PLD5: variants seen among roughly 807,000 people sequenced by gnomAD.
PLD5 encodes phospholipase D family member 5, also known as inactive phospholipase D5.
PLD5 carries 36 observed loss-of-function variants against 61.1 expected under a neutral mutation model. The ratio of observed to expected loss-of-function variants is 0.59; its 90% CI spans 0.45 to 0.78. The LOEUF (loss-of-function observed/expected upper bound fraction) is 0.78, where lower values mean the gene tolerates loss of function less well. Ranked by LOEUF, PLD5 falls within the 30% of genes least tolerant of loss-of-function variation. The pLI is 0.00. For synonymous variants in PLD5, 243 were observed against 242.8 expected (o/e 1.00, Z -0.01); for missense variants, 515 against 644.4 (o/e 0.80, Z 2.17).
chr1:242,174,819 T>C (rs1273327037), intron 5 of PLD5, among the ~76,000 whole-genome samples: 1 of 151,992 alleles, frequency 6.6e-6, no homozygotes, highest in South Asian at 2.1e-4. Context: ...AAACACCGCA[T>C]GTTCTCACTC....
intron 3 of PLD5, among the ~76,000 whole-genome samples, chr1:242,273,912 A>G (rs1412161674): frequency 6.6e-6 from 1 of 152,172 alleles, no homozygotes; most frequent in Non-Finnish European, 1.5e-5. Context: ...AGAGCCGAGG[A>G]ATGCTGGCAG....
At chr1:242,120,529 A>G (rs2148722411) in intron 6 of PLD5, among the ~76,000 whole-genome samples, 1 of 152,302 alleles carries the variant, frequency 6.6e-6, no homozygotes, top group Middle Eastern at 3.4e-3. Context: ...CTAATTTACA[A>G]TATACGCAGA....
At chr1:242,240,223 C>G (rs548243715) in intron 4 of PLD5, among the ~76,000 whole-genome samples, 1 of 152,166 alleles carries the variant, frequency 6.6e-6, no homozygotes, top group African/African-American at 2.4e-5. Flanking sequence ...CCATTTACTC[C>G]CCAGACACGC....
chr1:242,445,357 T>C (rs966644225), intron 1 of PLD5, among the ~76,000 whole-genome samples: 4 of 152,160 alleles, frequency 2.6e-5, no homozygotes, highest in African/African-American at 9.7e-5. Context: ...TTGTTTGCTT[T>C]TTGAGACAGA....
At chr1:242,198,701 C>CAAAAAAAAAAAAAAAAAAAAAAAAA (rs10603005) in intron 5 of PLD5, among the ~76,000 whole-genome samples, 1 of 51,570 alleles carries the variant, frequency 1.9e-5, no homozygotes, top group Non-Finnish European at 4.0e-5. Context: ...AAGTCCTTAG[C>CAAAAAAAAAAAAAAAAAAAAAAAAA]AAAAAAAAAA....
chr1:242,173,442 G>A (rs1468903889), intron 5 of PLD5, among the ~76,000 whole-genome samples: 3 of 152,180 alleles, frequency 2.0e-5, no homozygotes, highest in Non-Finnish European at 4.4e-5. Context: ...TCATGGATAG[G>A]AAGAATCAAT....
intron 1 of PLD5, among the ~76,000 whole-genome samples, chr1:242,435,700 A>G (rs1558564659): frequency 6.6e-6 from 1 of 152,198 alleles, no homozygotes; most frequent in Non-Finnish European, 1.5e-5. Context: ...CTAGCCTTGT[A>G]TTTCCTAAAA....
chr1:242,294,703 G>A (rs1380904750), intron 2 of PLD5, among the ~76,000 whole-genome samples: 2 of 152,174 alleles, frequency 1.3e-5, no homozygotes, highest in African/African-American at 2.4e-5. Context: ...AAAGATTAGA[G>A]GAGGGAATCT....
intron 1 of PLD5, among the ~76,000 whole-genome samples, chr1:242,393,512 A>ATATATATGTGTATATATGTGAG (rs1558523948): frequency 0.071 from 52 of 734 alleles, 15 homozygotes; most frequent in East Asian, 0.58. Context: ...ATATATGAGT[A>ATATATATGTGTATATATGTGAG]TATATATATG....
chr1:242,218,429 C>A (rs1502133), intron 5 of PLD5, among the ~76,000 whole-genome samples: 50,802 of 151,978 alleles, frequency 0.33, 8,766 homozygotes, highest in East Asian at 0.53. Flanking sequence ...AATATCTTTG[C>A]TGTATGTCTA....
intron 1 of PLD5, among the ~76,000 whole-genome samples, chr1:242,515,862 T>C (rs895825966): frequency 6.6e-6 from 1 of 152,222 alleles, no homozygotes; most frequent in Non-Finnish European, 1.5e-5. Context: ...TTTAATGTAG[T>C]AGATACTGCA....
intron 5 of PLD5, among the ~76,000 whole-genome samples, chr1:242,198,556 TAGAG>T (rs948813709): frequency 2.6e-5 from 4 of 151,766 alleles, no homozygotes; most frequent in Non-Finnish European, 4.4e-5. Flanking sequence ...GCTTTCTAAT[TAGAG>T]AGAGAGGGAC....
intron 1 of PLD5, among the ~76,000 whole-genome samples, chr1:242,475,414 C>G (rs1218485904): frequency 8.4e-6 from 1 of 118,916 alleles, no homozygotes; most frequent in Non-Finnish European, 1.7e-5. Flanking sequence ...CAGAGCGAGA[C>G]TCCGTCTCAA....
chr1:242,170,962 C>G (rs1471335292), intron 5 of PLD5, among the ~76,000 whole-genome samples: 2 of 152,182 alleles, frequency 1.3e-5, no homozygotes, highest in Non-Finnish European at 2.9e-5. Context: ...AGCTGGAAAA[C>G]TCTTTAGGAT....
chr1:242,526,341 G>T (rs1240578487), upstream of PLD5, among the ~76,000 whole-genome samples: 3 of 152,322 alleles, frequency 2.0e-5, no homozygotes, highest in Non-Finnish European at 4.4e-5. Flanking sequence ...AGCCGATATC[G>T]CACTGCACCC....
chr1:242,159,062 T>C (rs1009347839), intron 5 of PLD5, among the ~76,000 whole-genome samples: 6 of 152,220 alleles, frequency 3.9e-5, no homozygotes, highest in Non-Finnish European at 8.8e-5. Context: ...ATCTGTTTCA[T>C]ATTTGAGTCT....
intron 1 of PLD5, among the ~76,000 whole-genome samples, chr1:242,474,712 T>G (rs1347571638): frequency 6.6e-6 from 1 of 152,120 alleles, no homozygotes; most frequent in Non-Finnish European, 1.5e-5. Context: ...CTGCTACCCC[T>G]CATCTTTCAT....
intron 1 of PLD5, among the ~76,000 whole-genome samples, chr1:242,401,037 A>G (rs1663901102): frequency 6.6e-6 from 1 of 152,138 alleles, no homozygotes; most frequent in African/African-American, 2.4e-5. Context: ...GGGTCTAATA[A>G]GCATCGCAAA....
intron 4 of PLD5, among the ~76,000 whole-genome samples, chr1:242,237,370 C>G (rs181282175): frequency 4.3e-4 from 65 of 152,124 alleles, no homozygotes; most frequent in Middle Eastern, 3.4e-3. Flanking sequence ...GCTTCAGGTG[C>G]CAGTTCTCAA....
Sources: allele counts gnomAD v4.1 joint callset (sites outside exome capture counted in the v4.1 genomes callset), GRCh38; gene constraint gnomAD v4.1.1; transcripts MANE v1.5; gene names NCBI Gene and HGNC (gene_info 2026-07-23, HGNC 2026-07-21).